MUC13: variants seen among roughly 807,000 people sequenced by gnomAD.
The protein encoded by MUC13 is mucin 13, cell surface associated, also known as mucin-13.
A neutral mutation model predicts 48.3 loss-of-function variants in MUC13; 32 were observed. The observed-to-expected ratio is 0.66, with a 90% CI of 0.50 to 0.89. MUC13 has a LOEUF of 0.89. MUC13 is among the 40% of genes least tolerant of loss of function. The pLI is 0.00. For synonymous variants in MUC13, 199 were observed against 224.9 expected, an observed-to-expected ratio of 0.88 and a Z score of 1.03; for missense variants, 571 against 622.8, an observed-to-expected ratio of 0.92 and a Z score of 0.88.
intron 1 of MUC13, among the ~76,000 whole-genome samples, 154 bp from the exon 2 acceptor site, chr3:124,928,147 C>T (rs945043637): frequency 6.7e-6 from 1 of 150,100 alleles, no homozygotes; most frequent in African/African-American, 2.5e-5. Context: ...AACCCCTGGG[C>T]TCAAGCAGTC....
At chr3:124,921,299 G>GTAATC (rs1935590261) in intron 4 of MUC13, among the ~76,000 whole-genome samples, 1 of 151,964 alleles carries the variant, frequency 6.6e-6, no homozygotes, top group Non-Finnish European at 1.5e-5. Flanking sequence ...ACAGGCGCCT[G>GTAATC]CCACCACGCC....
intron 4 of MUC13, 95 bp from the exon 5 acceptor site, chr3:124,920,384 T>A: frequency 1.0e-6 from 1 of 984,542 alleles, no homozygotes; most frequent in Non-Finnish European, 1.5e-6. Flanking sequence ...ATGCTCTATC[T>A]AGCTTTTAAC....
intron 9 of MUC13, among the ~76,000 whole-genome samples, chr3:124,911,352 G>C (rs1238961427): frequency 6.6e-6 from 1 of 152,148 alleles, no homozygotes; most frequent in Non-Finnish European, 1.5e-5. Flanking sequence ...GGCAAATCTG[G>C]GAAAGACCTC....
chr3:124,928,896 T>C (rs888744028), intron 1 of MUC13, among the ~76,000 whole-genome samples: 3 of 152,136 alleles, frequency 2.0e-5, no homozygotes, highest in Non-Finnish European at 4.4e-5. Flanking sequence ...CCTTGATAGA[T>C]TGAGGGAGGG....
intron 10 of MUC13, 81 bp downstream of exon 10, chr3:124,910,334 G>C (rs1459142770): frequency 1.6e-5 from 24 of 1,541,564 alleles, no homozygotes; most frequent in Non-Finnish European, 2.1e-5. Context: ...AGGAGTTCGA[G>C]ACCAACATGG....
intron 1 of MUC13, among the ~76,000 whole-genome samples, chr3:124,931,202 G>A (rs1287277667): frequency 1.3e-5 from 2 of 151,706 alleles, no homozygotes; most frequent in Non-Finnish European, 2.9e-5. Context: ...GGAGGCTGAG[G>A]TGGGTGGATC....
intron 1 of MUC13, among the ~76,000 whole-genome samples, chr3:124,932,989 C>G (rs1273706628): frequency 4.6e-5 from 7 of 152,114 alleles, no homozygotes; most frequent in Non-Finnish European, 8.8e-5. Context: ...AAAAGTCAAG[C>G]CTTTTTTAAC....
At chr3:124,910,374 A>T in intron 10 of MUC13, 41 bp downstream of exon 10, 1 of 1,575,214 alleles carries the variant, frequency 6.3e-7, no homozygotes, top group Non-Finnish European at 8.6e-7. Flanking sequence ...CCATCTCTCT[A>T]TAAAAAAAAA....
In MUC13 at chr3:124,906,437, G is replaced by T. The variant is rs1304167512; in HGVS notation, c.*306C>A. On this transcript the variant is annotated 3_prime_UTR_variant, in exon 12 of 12. Transcript: ENST00000616727. ...GGTTCTTGTTGCCCTACCAGGAAAA[G>T]AATTAAGAAAACAACCCTAACCATT... The T allele has an allele frequency of 6.6e-6, 1 of 152,204 alleles. No homozygotes were observed. Among genetic ancestry groups the T allele is most frequent in the African/African-American group, 2.4e-5 (1 of 41,436 alleles). The allele number at this position is 152,204 out of a possible 1,614,324, so 9.4% of individuals were successfully genotyped here.
At chr3:124,910,391 A>T (rs778938550) in intron 10 of MUC13, 24 bp downstream of exon 10, 19 of 1,599,640 alleles carry the variant, frequency 1.2e-5, no homozygotes, top group African/African-American at 5.4e-5. Flanking sequence ...AAAAAAATTT[A>T]AAAAGGACAC....
rs185273962 is a variant in MUC13, at chr3:124,905,661, G to C, written c.*1082C>G. On this transcript the variant is annotated 3_prime_UTR_variant, in exon 12 of 12. Coordinates refer to ENST00000616727, the MANE Select transcript of MUC13 (RefSeq NM_033049.4). ...TGTTGGTGGCCACAGCTGAGCCTCTGTCACCAGAGAAGGCTGAGGCCCCAA... is the reference window on the plus strand; with the variant it reads ...TGTTGGTGGCCACAGCTGAGCCTCTCTCACCAGAGAAGGCTGAGGCCCCAA... The C allele has an allele frequency of 3.2e-3, 487 of 153,346 alleles. 2 individuals are homozygous for C. Among genetic ancestry groups the C allele is most frequent in the African/African-American group, 0.011 (469 of 41,558 alleles). The allele number at this position is 153,346 out of a possible 1,614,324, so 9.5% of individuals were successfully genotyped here.
chr3:124,928,938 T>C (rs1935742439), intron 1 of MUC13, among the ~76,000 whole-genome samples: 1 of 152,152 alleles, frequency 6.6e-6, no homozygotes. Flanking sequence ...TAAAGAATAA[T>C]AAAATAAAAA....
In MUC13 at chr3:124,916,390, G is replaced by T. The variant is rs1372477470; in HGVS notation, c.891C>A (p.Asp297Glu). The part of the protein sequence containing the change: ...IVTILAETTS[D>E]NEKTVTEKIN... The stretch of plus-strand genomic sequence containing the variant: ...TTTTCTCAGTCACAGTCTTCTCATT[G>T]TCACTTGTGGTTTCTGCCAAAATTG... Residue 297 changes from aspartate to glutamate, a missense_variant, in exon 6 of 12, where the codon GAC (aspartate) becomes GAA (glutamate). Asp to Glu is a conservative substitution (Grantham distance 45, BLOSUM62 2). Coordinates refer to ENST00000616727, the MANE Select transcript of MUC13 (RefSeq NM_033049.4). 8.1e-6 allele frequency: 13 copies of T among 1,613,618 alleles called. No homozygotes were observed. The highest frequency in any genetic ancestry group is 1.7e-4 in the Middle Eastern group (1 of 5,874).
chr3:124,916,958 C>G (rs1454326111), intron 5 of MUC13, among the ~76,000 whole-genome samples: 1 of 152,014 alleles, frequency 6.6e-6, no homozygotes, highest in Admixed American at 6.6e-5. Context: ...TGGATCACTC[C>G]CAGAAAGGAC....
Position 124,927,847 on chromosome 3 carries a change from T to C in MUC13, c.199A>G (p.Thr67Ala). The C allele has an allele frequency of 6.2e-6, 10 of 1,613,840 alleles. No individual in the cohort carries two copies. The highest frequency in any genetic ancestry group is 7.6e-6 in the Non-Finnish European group (9 of 1,179,970). ...TANTPSFPTA[T>A]SPAPPIISTH... ...CTAATTATGGGGGGAGCAGGTGAAG[T>C]AGCTGTTGGGAAAGAAGGTGTATTT... Residue 67 changes from threonine (T) to alanine (A), a missense_variant, in exon 2 of 12, where the codon ACT becomes GCT. Coordinates refer to ENST00000616727, the MANE Select transcript of MUC13 (RefSeq NM_033049.4).
At chr3:124,910,374 A>G (rs565794783) in intron 10 of MUC13, 41 bp downstream of exon 10, 1 of 1,575,214 alleles carries the variant, frequency 6.3e-7, no homozygotes, top group South Asian at 1.2e-5. Context: ...CCATCTCTCT[A>G]TAAAAAAAAA....
rs1559996557 is a variant in MUC13, at chr3:124,910,438, T to C, written c.1314A>G (p.Ile438Met). 3.7e-6 allele frequency: 6 copies of C among 1,614,080 alleles called. No individual in the cohort carries two copies. Among genetic ancestry groups the C allele is most frequent in the Middle Eastern group, 1.6e-4 (1 of 6,062 alleles). The change falls in exon 10 of 12, where the codon ATA (isoleucine) becomes ATG (methionine). Residue 438 changes from isoleucine (I) to methionine (M), a missense_variant. Physicochemically the swap from Ile to Met is conservative, Grantham distance 10. Transcript: ENST00000616727. ...ACCTTGCTGTGACAATCAATGCAATTATCATGCTGAGAATGACAATGCCAG... is the reference window on the plus strand; with the variant it reads ...ACCTTGCTGTGACAATCAATGCAATCATCATGCTGAGAATGACAATGCCAG... The part of the protein sequence containing the change: ...TIAGIVILSM[I>M]IALIVTARSN...
intron 11 of MUC13, among the ~76,000 whole-genome samples, 168 bp downstream of exon 11, chr3:124,907,979 G>A (rs1181851132): frequency 1.3e-5 from 2 of 152,078 alleles, no homozygotes; most frequent in East Asian, 1.9e-4. Flanking sequence ...TCAGAGTTAC[G>A]ACAGCAGGGA....
chr3:124,920,379 C>A, intron 4 of MUC13, 90 bp from the exon 5 acceptor site: 1 of 1,019,206 alleles, frequency 9.8e-7, no homozygotes. Context: ...AAATAATGCT[C>A]TATCTAGCTT....
Sources: allele counts gnomAD v4.1 joint callset (sites outside exome capture counted in the v4.1 genomes callset), GRCh38; gene constraint gnomAD v4.1.1; transcripts MANE v1.5; gene names NCBI Gene and HGNC (gene_info 2026-07-23, HGNC 2026-07-21).